Variants in GRAMD4 observed in about 807,000 individuals in gnomAD.
The protein encoded by GRAMD4 is GRAM domain containing 4, also known as GRAM domain-containing protein 4.
A neutral mutation model predicts 83.9 loss-of-function variants in GRAMD4; 25 were observed. The ratio of observed to expected loss-of-function variants is 0.30; its 90% confidence interval spans 0.22 to 0.42. The LOEUF (loss-of-function observed/expected upper bound fraction) is 0.42, where lower values mean the gene tolerates loss of function less well. GRAMD4 is among the 10% of genes least tolerant of loss of function. GRAMD4 has a pLI of 1.00. For synonymous variants in GRAMD4, 336 were observed against 320.9 expected, an observed-to-expected ratio of 1.05 and a Z score of -0.50; for missense variants, 593 against 788.7, an observed-to-expected ratio of 0.75 and a Z score of 2.97.
chr22:46,646,662 T>C (rs116559238), intron 3 of GRAMD4, among the ~76,000 whole-genome samples: 351 of 152,342 alleles, frequency 2.3e-3, no homozygotes, highest in African/African-American at 8.1e-3. Context: ...GACTTGCCCC[T>C]TTGGACCTGG....
Position 46,623,288 on chromosome 22 carries a change from G to A in GRAMD4, c.-50+2723G>A, listed in dbSNP as rs1462188266. On this transcript the variant is annotated intron_variant, in intron 1 of 18. Transcript: ENST00000406902. ...CTCCACTTCTTGAGCTTGGTCCTAGGGTCCTGGTACTGAGTTGTGGGGTGG... is the reference window on the plus strand; with the variant it reads ...CTCCACTTCTTGAGCTTGGTCCTAGAGTCCTGGTACTGAGTTGTGGGGTGG... 5.9e-5 allele frequency among the ~76,000 whole-genome samples: 9 copies of A among 152,340 alleles called. No homozygotes were observed. In the East Asian group the frequency reaches 1.7e-3, roughly 29 times the overall value.
intron 13 of GRAMD4, among the ~76,000 whole-genome samples, chr22:46,671,405 T>C (rs1267495721): frequency 6.6e-6 from 1 of 152,148 alleles, no homozygotes; most frequent in East Asian, 1.9e-4. Flanking sequence ...TAGCCGCGTG[T>C]GGAGCTTGCA....
chr22:46,603,814 C>T (rs2081339876), intron 1 of GRAMD4, among the ~76,000 whole-genome samples: 1 of 152,156 alleles, frequency 6.6e-6, no homozygotes, highest in African/African-American at 2.4e-5. Flanking sequence ...CGCGCCCAGC[C>T]TCGGCCTCTT....
chr22:46,665,471 C>T (rs575283183), intron 8 of GRAMD4, 144 bp from the exon 9 acceptor site: 98 of 596,558 alleles, frequency 1.6e-4, no homozygotes, highest in African/African-American at 3.3e-4. Context: ...CCCCATCAGA[C>T]GCACCCTCAT....
chr22:46,630,409 T>C (rs1048851034), intron 2 of GRAMD4, among the ~76,000 whole-genome samples: 1 of 152,184 alleles, frequency 6.6e-6, no homozygotes, highest in African/African-American at 2.4e-5. Flanking sequence ...ATGCCTGCGA[T>C]TGAGTGTTTG....
At position 46,675,459 on chromosome 22, in the gene GRAMD4, C is replaced by T; in HGVS notation, c.1479-9C>T. The T allele has an allele frequency of 6.2e-7, 1 of 1,604,618 alleles. No homozygotes were observed. The highest frequency in any genetic ancestry group is 1.1e-5 in the South Asian group (1 of 90,880). On this transcript the variant is annotated splice_polypyrimidine_tract_variant and intron_variant, in intron 16 of 18. Coordinates refer to ENST00000406902, the MANE Select transcript of GRAMD4 (RefSeq NM_015124.5). The stretch of plus-strand genomic sequence containing the variant: ...AGCCAGGCGACGCCTCTGTCCGTTC[C>T]CCTTCCAGTTACTTGTGCTTCGAAA...
chr22:46,660,946 G>A (rs1275700280), intron 4 of GRAMD4, among the ~76,000 whole-genome samples: 1 of 152,228 alleles, frequency 6.6e-6, no homozygotes, highest in African/African-American at 2.4e-5. Flanking sequence ...CAGGCAGGTC[G>A]CTGGAGTAGG....
At chr22:46,594,627 G>A (rs565165002) in intron 1 of GRAMD4, among the ~76,000 whole-genome samples, 2 of 152,082 alleles carry the variant, frequency 1.3e-5, no homozygotes, top group African/African-American at 4.8e-5. Flanking sequence ...GTACAGAGAT[G>A]TCCAGGGGTA....
chr22:46,611,409 G>A (rs973149082), intron 1 of GRAMD4, among the ~76,000 whole-genome samples: 5 of 152,074 alleles, frequency 3.3e-5, no homozygotes, highest in Non-Finnish European at 7.4e-5. Context: ...GTTTAAGCAA[G>A]CTCAGGCCAT....
chr22:46,615,971 T>C (rs2081482564), upstream of GRAMD4, among the ~76,000 whole-genome samples: 1 of 138,550 alleles, frequency 7.2e-6, no homozygotes, highest in Non-Finnish European at 1.5e-5. Flanking sequence ...CCCCCCTGTG[T>C]AGGTTCCCCT....
intron 3 of GRAMD4, among the ~76,000 whole-genome samples, chr22:46,640,802 G>A (rs1338553887): frequency 8.1e-6 from 1 of 123,938 alleles, no homozygotes; most frequent in Non-Finnish European, 1.7e-5. Flanking sequence ...CCCTCTCCCT[G>A]CCCCCAACCC....
At chr22:46,579,641 G>A (rs6007939) in intron 1 of GRAMD4, among the ~76,000 whole-genome samples, 2,524 of 152,274 alleles carry the variant, frequency 0.017, 75 homozygotes, top group African/African-American at 0.057. Context: ...GTTAGTGATT[G>A]TGCCATCCGT....
Position 46,678,159 on chromosome 22 carries a change from C to G in GRAMD4, c.*908C>G. ...CACTGTGGCATGTCTGGCACATGGC[C>G]CCCAGGCTGCGGTTGCCTGGGTTGG... On this transcript the variant is annotated 3_prime_UTR_variant, in exon 19 of 19. Transcript: ENST00000406902. 1.0e-6 allele frequency: 1 copy of G among 985,536 alleles called. No homozygotes were observed. The highest frequency in any genetic ancestry group is 1.2e-6 in the Non-Finnish European group (1 of 830,012). 61.0% of individuals were successfully genotyped at this position (985,536 alleles called of 1,614,324 possible).
At chr22:46,605,392 C>G (rs1016032524) in intron 1 of GRAMD4, among the ~76,000 whole-genome samples, 1 of 152,224 alleles carries the variant, frequency 6.6e-6, no homozygotes, top group Non-Finnish European at 1.5e-5. Context: ...TTGGCTCTTA[C>G]GAAAAATGCT....
chr22:46,620,914 G>A lies in GRAMD4; in HGVS notation c.-50+349G>A, dbSNP rs1271028932. Among the ~76,000 whole-genome samples the A allele has an allele frequency of 6.6e-6, 1 of 151,860 alleles. No homozygotes were observed. On this transcript the variant is annotated intron_variant, in intron 1 of 18. Coordinates refer to ENST00000406902, the MANE Select transcript of GRAMD4 (RefSeq NM_015124.5). This position sits in a 1 kb window ranked among gnomAD's most constrained non-coding sequence, Gnocchi z 4.7. ...GGAGGCCGATCTGAGAGGGAGGGAG[G>A]CCCATCCGAGAGGGAGGAGGCCGAT...
At chr22:46,595,846 C>T (rs2081257301) in intron 1 of GRAMD4, among the ~76,000 whole-genome samples, 1 of 152,260 alleles carries the variant, frequency 6.6e-6, no homozygotes, top group Non-Finnish European at 1.5e-5. Flanking sequence ...GATCCCCGGC[C>T]TTAACACCCA....
intron 9 of GRAMD4, 96 bp from the exon 10 acceptor site, chr22:46,666,729 T>G: frequency 1.9e-6 from 2 of 1,069,188 alleles, no homozygotes; most frequent in Non-Finnish European, 2.9e-6. Context: ...AAGGGCCCCC[T>G]CCAAGCCCAG....
intron 1 of GRAMD4, among the ~76,000 whole-genome samples, chr22:46,602,762 CTT>C (rs534249203): frequency 1.6e-5 from 2 of 121,446 alleles, no homozygotes. Flanking sequence ...CCATTTTTCT[CTT>C]TTTTTTTTTT....
At chr22:46,604,049 T>C (rs1482304297) in intron 1 of GRAMD4, among the ~76,000 whole-genome samples, 1 of 152,202 alleles carries the variant, frequency 6.6e-6, no homozygotes, top group Non-Finnish European at 1.5e-5. Context: ...GAGTGAGTTA[T>C]CTCACACCCT....
Sources: allele counts gnomAD v4.1 joint callset (sites outside exome capture counted in the v4.1 genomes callset), GRCh38; gene constraint gnomAD v4.1.1; non-coding constraint Gnocchi (gnomAD v3.1); transcripts MANE v1.5; gene names NCBI Gene and HGNC (gene_info 2026-07-23, HGNC 2026-07-21).